ZNF532: variants seen among roughly 807,000 people sequenced by gnomAD.
The protein encoded by ZNF532 is zinc finger protein 532.
A neutral mutation model predicts 89.3 loss-of-function variants in ZNF532; 22 were observed. The ratio of observed to expected loss-of-function variants is 0.25; its 90% CI spans 0.18 to 0.35. The LOEUF (loss-of-function observed/expected upper bound fraction) is 0.35, where lower values mean the gene tolerates loss of function less well. Ranked by LOEUF, ZNF532 falls within the 10% of genes least tolerant of loss-of-function variation. ZNF532 has a pLI of 1.00. For missense variants in ZNF532, 1,132 were observed against 1,643.4 expected (o/e 0.69, Z 5.38); for synonymous variants, 606 against 649.6 (o/e 0.93, Z 1.02).
At chr18:58,972,330 A>G (rs1035941170) in intron 7 of ZNF532, among the ~76,000 whole-genome samples, 1 of 152,250 alleles carries the variant, frequency 6.6e-6, no homozygotes, top group Non-Finnish European at 1.5e-5. Context: ...ATCAGTGTGT[A>G]TATTCAGAAA....
At position 58,945,282 on chromosome 18, in the gene ZNF532, T is replaced by G. The variant is rs373382864; in HGVS notation, c.2706-2785T>G. 1.6e-4 allele frequency among the ~76,000 whole-genome samples: 24 copies of G among 152,322 alleles called. No homozygotes were observed. The East Asian group carries it at 1.7e-3, about 11-fold the overall frequency. ...GCTGGACTCAGGCATGTGCTCTTGG[T>G]GGCAATGCCTGGGCCGTGATGCCAT... On this transcript the variant is annotated intron_variant, in intron 5 of 9. Coordinates refer to ENST00000591808, the MANE Select transcript of ZNF532 (RefSeq NM_001375912.1).
At chr18:58,911,007 G>A (rs1200982232) in intron 2 of ZNF532, among the ~76,000 whole-genome samples, 1 of 152,118 alleles carries the variant, frequency 6.6e-6, no homozygotes, top group African/African-American at 2.4e-5. Flanking sequence ...GCCTCCCAAA[G>A]TGTTGGAATC....
intron 2 of ZNF532, among the ~76,000 whole-genome samples, chr18:58,881,394 A>G (rs1447397026): frequency 1.3e-5 from 2 of 152,012 alleles, no homozygotes; most frequent in Non-Finnish European, 2.9e-5. Context: ...CGGCCTCCCA[A>G]AGTGCTGGGA....
At chr18:58,934,299 C>T in intron 3 of ZNF532, 134 bp from the exon 4 acceptor site, 3 of 813,020 alleles carry the variant, frequency 3.7e-6, no homozygotes, top group South Asian at 2.1e-5. Context: ...TTGGCTTTTC[C>T]CTTGGGCTTA....
At chr18:58,968,938 A>G (rs1303220180) in intron 7 of ZNF532, among the ~76,000 whole-genome samples, 1 of 152,246 alleles carries the variant, frequency 6.6e-6, no homozygotes, top group Non-Finnish European at 1.5e-5. Context: ...GTAAATTGAC[A>G]TTACCTTGAA....
chr18:58,951,649 T>TTTTTTTTTGG lies in ZNF532; in HGVS notation c.2869-1861_2869-1860insGGTTTTTTTT, dbSNP rs1555746574. 6.3e-3 allele frequency among the ~76,000 whole-genome samples: 543 copies of TTTTTTTTTGG among 86,616 alleles called. 34 individuals carry two copies. The highest frequency in any genetic ancestry group is 0.056 in the South Asian group (128 of 2,278). 56.8% of individuals were successfully genotyped at this position (86,616 alleles called of 152,430 possible). A position where few individuals can be genotyped will look rare whatever the true frequency, so the allele number is the denominator to read the frequency against. On this transcript the variant is annotated intron_variant, in intron 6 of 9. Transcript: ENST00000591808. ...TCACCTCAGCCCTCGCCCTGTTGTTTTTTTTTTTTTTTTTTTTTGAGATGG... is the reference window on the plus strand; with the variant it reads ...TCACCTCAGCCCTCGCCCTGTTGTTTTTTTTTTTGGTTTTTTTTTTTTTTTTTTGAGATGG...
intron 2 of ZNF532, among the ~76,000 whole-genome samples, chr18:58,904,017 T>C (rs1198362742): frequency 1.3e-5 from 2 of 152,188 alleles, no homozygotes; most frequent in African/African-American, 4.8e-5. Context: ...TAATAATAGG[T>C]GGCCTTTTTG....
rs1264012077 is a variant in ZNF532, at chr18:58,914,819, C to G, written c.-17-3452C>G. On this transcript the variant is annotated intron_variant, in intron 2 of 9. Coordinates refer to ENST00000591808, the MANE Select transcript of ZNF532 (RefSeq NM_001375912.1). The stretch of plus-strand genomic sequence containing the variant: ...ATCAAACTGTTGAGGGAAAGGGAAG[C>G]TAAAATGAGATCGTTCTATTTTATC... 5.3e-5 allele frequency among the ~76,000 whole-genome samples: 8 copies of G among 152,140 alleles called. No homozygotes were observed. In the East Asian group the frequency reaches 1.5e-3, roughly 29 times the overall value.
chr18:58,918,489 G>T lies in ZNF532; in HGVS notation c.202G>T (p.Val68Phe). 1 of 1,614,176 alleles carries T rather than the reference G, an allele frequency of 6.2e-7. No individual in the cohort carries two copies. Among genetic ancestry groups the T allele is most frequent in the Non-Finnish European group, 8.5e-7 (1 of 1,180,044 alleles). Residue 68 changes from valine to phenylalanine, a missense_variant, in exon 3 of 10, where the codon GTT (valine) becomes TTT (phenylalanine). Val to Phe is a conservative substitution (Grantham distance 50). This residue lies in a region of ZNF532 where 302 missense variants were observed against 319.8 expected (regional missense o/e 0.94). Coordinates refer to ENST00000591808, the MANE Select transcript of ZNF532 (RefSeq NM_001375912.1). ...GGGTGTCAGCGTTATCGTCAAGAAT[G>T]TTCGGAACATTGACTCTTCCGAGGG... ...DVGVSVIVKN[V>F]RNIDSSEGGE...
At chr18:58,944,954 A>G (rs1162358799) in intron 5 of ZNF532, among the ~76,000 whole-genome samples, 1 of 152,108 alleles carries the variant, frequency 6.6e-6, no homozygotes, top group Non-Finnish European at 1.5e-5. Flanking sequence ...CTCTTCCACA[A>G]AAGGAACTTG....
At chr18:58,895,648 A>G (rs999485675) in intron 2 of ZNF532, among the ~76,000 whole-genome samples, 5 of 152,150 alleles carry the variant, frequency 3.3e-5, no homozygotes, top group South Asian at 2.1e-4. Context: ...TCTTGTTAGT[A>G]GCTTGAAATG....
intron 7 of ZNF532, among the ~76,000 whole-genome samples, chr18:58,966,743 T>G (rs35179267): frequency 0.34 from 34,291 of 99,978 alleles, 4,527 homozygotes; most frequent in Middle Eastern, 0.5. Flanking sequence ...TTTGTGTTTT[T>G]TTTTTTTTTT....
chr18:58,908,434 A>G (rs2060077520), intron 2 of ZNF532, among the ~76,000 whole-genome samples: 1 of 117,104 alleles, frequency 8.5e-6, no homozygotes, highest in African/African-American at 3.2e-5. Context: ...GTTGTTTCAT[A>G]GAGCTGAAGA....
upstream of ZNF532, chr18:58,863,450 GCCGCCCCC>G (rs1568187832): frequency 5.2e-5 from 7 of 134,762 alleles, no homozygotes; most frequent in East Asian, 2.1e-4. Flanking sequence ...TCCCCCACCG[GCCGCCCCC>G]TCCCCCTCGC....
At chr18:58,944,669 T>C (rs898078872) in intron 5 of ZNF532, among the ~76,000 whole-genome samples, 16 of 152,126 alleles carry the variant, frequency 1.1e-4, no homozygotes, top group African/African-American at 9.7e-5. Flanking sequence ...TCCATTTTCA[T>C]TGGAGAGTTT....
intron 2 of ZNF532, among the ~76,000 whole-genome samples, chr18:58,894,352 A>G (rs2059112310): frequency 6.6e-6 from 1 of 151,924 alleles, no homozygotes; most frequent in African/African-American, 2.4e-5. Flanking sequence ...CTGCAATCCC[A>G]GCTACTCAGT....
chr18:58,898,729 G>T (rs936156843), intron 2 of ZNF532, among the ~76,000 whole-genome samples: 1 of 152,188 alleles, frequency 6.6e-6, no homozygotes, highest in Non-Finnish European at 1.5e-5. Context: ...TGATTTCCAG[G>T]CACTTCTAAG....
chr18:58,912,453 G>T (rs2060338347), intron 2 of ZNF532, among the ~76,000 whole-genome samples: 1 of 152,160 alleles, frequency 6.6e-6, no homozygotes, highest in Admixed American at 6.5e-5. Flanking sequence ...CCTGGTGTAG[G>T]CTGCTTAGAA....
chr18:58,885,065 C>T (rs944107425), intron 2 of ZNF532, among the ~76,000 whole-genome samples: 29 of 151,608 alleles, frequency 1.9e-4, no homozygotes, highest in Non-Finnish European at 3.7e-4. Flanking sequence ...CACGGCTCAC[C>T]GCAGCCTCCG....
Sources: allele counts gnomAD v4.1 joint callset (sites outside exome capture counted in the v4.1 genomes callset), GRCh38; gene constraint gnomAD v4.1.1; regional missense constraint gnomAD v4.1.1; transcripts MANE v1.5; gene names NCBI Gene and HGNC (gene_info 2026-07-23, HGNC 2026-07-21).